Variants in CHLSN observed in about 807,000 individuals in gnomAD.
The protein encoded by CHLSN is cholesin, also known as protein cholesin.
chr7:1,027,326 T>G, the CHLSN span, among the ~76,000 whole-genome samples: 1 of 152,218 alleles, frequency 6.6e-6, no homozygotes, highest in Admixed American at 6.5e-5. Flanking sequence ...TCTGCAGCCG[T>G]GAGGCCCAGC....
At chr7:1,075,111 C>G in the CHLSN span, among the ~76,000 whole-genome samples, 1 of 152,158 alleles carries the variant, frequency 6.6e-6, no homozygotes, top group African/African-American at 2.4e-5. Flanking sequence ...CCACCTCCAT[C>G]CAACACAACC....
chr7:1,072,038 G>A, the CHLSN span, among the ~76,000 whole-genome samples: 24,920 of 152,236 alleles, frequency 0.16, 2,162 homozygotes, highest in African/African-American at 0.18. Flanking sequence ...GAAGAGCGGG[G>A]AGGGGCCCAG....
chr7:1,065,519 T>G, the CHLSN span, among the ~76,000 whole-genome samples: 6 of 152,050 alleles, frequency 3.9e-5, no homozygotes, highest in Non-Finnish European at 8.8e-5. Flanking sequence ...GGCAACAGGG[T>G]GAACCTCACA....
At chr7:1,108,233 G>C in the CHLSN span, among the ~76,000 whole-genome samples, 5 of 17,972 alleles carry the variant, frequency 2.8e-4, 1 homozygote, top group South Asian at 1.2e-3. Context: ...CCGCACCCCG[G>C]GGGGGAAGCA....
chr7:1,010,279 A>C, the CHLSN span: 4 of 737,960 alleles, frequency 5.4e-6, no homozygotes, highest in East Asian at 1.2e-4. Flanking sequence ...GTCTGGCCCC[A>C]GCCGACACCA....
the CHLSN span, among the ~76,000 whole-genome samples, chr7:996,813 T>C: frequency 4.9e-3 from 751 of 152,314 alleles, 7 homozygotes; most frequent in African/African-American, 0.017. Flanking sequence ...CTGCCAGCGC[T>C]GGGAAACGGC....
chr7:1,091,606 T>C, the CHLSN span: 1 of 817,702 alleles, frequency 1.2e-6, no homozygotes, highest in Non-Finnish European at 2.0e-6. Context: ...GGGAGTTTCC[T>C]GTCTGACAAA....
At chr7:980,541 A>AT in the CHLSN span, among the ~76,000 whole-genome samples, 1 of 133,598 alleles carries the variant, frequency 7.5e-6, no homozygotes, top group African/African-American at 2.5e-5. Flanking sequence ...GCACACAGAT[A>AT]TTTTTATCAG....
chr7:1,099,968 A>G, the CHLSN span, among the ~76,000 whole-genome samples: 2 of 152,178 alleles, frequency 1.3e-5, no homozygotes, highest in African/African-American at 2.4e-5. Context: ...CGGAGTTCCA[A>G]TCTGAGCTAT....
the CHLSN span, among the ~76,000 whole-genome samples, chr7:1,009,350 G>C: frequency 6.6e-6 from 1 of 152,196 alleles, no homozygotes; most frequent in Non-Finnish European, 1.5e-5. Flanking sequence ...ACAGGAACGG[G>C]CAGCAGCCTG....
At chr7:1,136,399 A>AAC in the CHLSN span, among the ~76,000 whole-genome samples, 13 of 112,326 alleles carry the variant, frequency 1.2e-4, no homozygotes, top group South Asian at 5.0e-4. Context: ...CATATATATA[A>AAC]ATATATATAA....
chr7:1,031,256 TACTG>T, the CHLSN span, among the ~76,000 whole-genome samples: 1 of 152,196 alleles, frequency 6.6e-6, no homozygotes, highest in Non-Finnish European at 1.5e-5. Flanking sequence ...GCTGTAATAA[TACTG>T]AGGAGAAAAG....
At chr7:1,054,337 G>C in the CHLSN span, among the ~76,000 whole-genome samples, 3 of 152,354 alleles carry the variant, frequency 2.0e-5, no homozygotes, top group South Asian at 2.1e-4. Flanking sequence ...ACTGCACAGA[G>C]AGCAACCTGC....
chr7:988,910 A>G, the CHLSN span: 7 of 846,396 alleles, frequency 8.3e-6, no homozygotes, highest in South Asian at 1.7e-5. Context: ...CACAGCTCGG[A>G]CTGCTCTGGG....
chr7:1,001,722 T>G, the CHLSN span, among the ~76,000 whole-genome samples: 77 of 45,004 alleles, frequency 1.7e-3, no homozygotes, highest in African/African-American at 3.2e-3. Context: ...TGTGGGTTAG[T>G]GGAGTCCTGT....
chr7:1,002,607 GT>G, the CHLSN span, among the ~76,000 whole-genome samples: 2 of 124,708 alleles, frequency 1.6e-5, no homozygotes, highest in Admixed American at 7.7e-5. Context: ...CTGTGGGTGA[GT>G]GGAGTCCTGC....
At chr7:984,639 G>C in the CHLSN span, 1 of 1,505,328 alleles carries the variant, frequency 6.6e-7, no homozygotes, top group Non-Finnish European at 8.8e-7. Flanking sequence ...CAGGAGGGGT[G>C]GGGGCTCCAG....
At chr7:1,042,339 T>G in the CHLSN span, among the ~76,000 whole-genome samples, 1 of 152,144 alleles carries the variant, frequency 6.6e-6, no homozygotes, top group African/African-American at 2.4e-5. Flanking sequence ...ACTTCAACCA[T>G]CAACACTAGA....
chr7:1,136,433 C>CATATATAA, the CHLSN span, among the ~76,000 whole-genome samples: 1 of 100,038 alleles, frequency 1.0e-5, no homozygotes, highest in East Asian at 2.9e-4. Flanking sequence ...TATATATAAA[C>CATATATAA]ATATATATAA....
Sources: allele counts gnomAD v4.1 joint callset (sites outside exome capture counted in the v4.1 genomes callset), GRCh38; gene constraint gnomAD v4.1.1; transcripts MANE v1.5; gene names NCBI Gene and HGNC (gene_info 2026-07-23, HGNC 2026-07-21).